Variants in FAM120B observed in about 807,000 individuals in gnomAD.
FAM120B encodes family with sequence similarity 120 member B.
In FAM120B, 83 loss-of-function variants were observed where a neutral mutation model predicts 96.3. The ratio of observed to expected loss-of-function variants is 0.86; its 90% CI spans 0.72 to 1.03. The LOEUF (loss-of-function observed/expected upper bound fraction) is 1.03, where lower values mean the gene tolerates loss of function less well. Ranked by LOEUF, FAM120B falls within the 50% of genes least tolerant of loss-of-function variation. The pLI, the probability that FAM120B is intolerant of heterozygous loss-of-function variation, is 0.00. For synonymous variants in FAM120B, 407 were observed against 402.7 expected (o/e 1.01, Z -0.13); for missense variants, 1,027 against 1,121.2 (o/e 0.92, Z 1.20).
upstream of FAM120B, among the ~76,000 whole-genome samples, chr6:170,305,175 C>T (rs112757220): frequency 0.015 from 2,300 of 152,024 alleles, 52 homozygotes; most frequent in African/African-American, 0.052. Context: ...TTGGGGGGGG[C>T]GGGGGACAGA....
intron 8 of FAM120B, among the ~76,000 whole-genome samples, chr6:170,393,117 G>A (rs1289540155): frequency 7.2e-6 from 1 of 139,462 alleles, no homozygotes; most frequent in Non-Finnish European, 1.5e-5. Context: ...TTTGACACTG[G>A]CCTGAGAAAC....
upstream of FAM120B, chr6:170,295,203 C>T: frequency 1.9e-6 from 1 of 514,162 alleles, no homozygotes; most frequent in Non-Finnish European, 3.4e-6. The surrounding 1 kb of genome is among the most constrained non-coding windows in gnomAD (Gnocchi z 7.8). Context: ...TTGCTGCTTA[C>T]TTCTTAAAGC....
chr6:170,396,185 T>A (rs1374530512), intron 9 of FAM120B, among the ~76,000 whole-genome samples: 1 of 152,200 alleles, frequency 6.6e-6, no homozygotes, highest in African/African-American at 2.4e-5. Context: ...AAAATCCAAA[T>A]CAGCCTTTGA....
upstream of FAM120B, among the ~76,000 whole-genome samples, chr6:170,304,740 C>G (rs983497076): frequency 2.0e-5 from 3 of 152,000 alleles, no homozygotes; most frequent in African/African-American, 7.3e-5. Context: ...CCCTCAGTCT[C>G]TTTCCTAGGT....
intron 6 of FAM120B, among the ~76,000 whole-genome samples, chr6:170,379,001 A>G (rs756829806): frequency 6.6e-6 from 1 of 152,244 alleles, no homozygotes; most frequent in Non-Finnish European, 1.5e-5. Context: ...CCATGGGCCC[A>G]GGCAGCCTTG....
chr6:170,361,222 A>ACG lies in FAM120B; in HGVS notation c.2283+2904_2283+2905insCG, dbSNP rs1329669151. 5.1e-3 allele frequency among the ~76,000 whole-genome samples: 515 copies of ACG among 101,974 alleles called. 10 individuals are homozygous for ACG. The highest frequency in any genetic ancestry group is 6.3e-3 in the East Asian group (19 of 3,012). The allele number at this position is 101,974 out of a possible 152,430, so 66.9% of individuals were successfully genotyped here. ...TGTATATATATATATATATATATAT[A>ACG]TATATATATATATACACGTATATAT... On this transcript the variant is annotated intron_variant, in intron 6 of 10. Transcript: ENST00000476287.
At chr6:170,367,266 C>T (rs974752858) in intron 6 of FAM120B, among the ~76,000 whole-genome samples, 4 of 152,192 alleles carry the variant, frequency 2.6e-5, no homozygotes, top group Admixed American at 1.3e-4. Flanking sequence ...AGACTATCGC[C>T]CATAGGCCAC....
intron 4 of FAM120B, among the ~76,000 whole-genome samples, chr6:170,332,676 C>T (rs1015256646): frequency 2.6e-5 from 4 of 151,684 alleles, no homozygotes; most frequent in South Asian, 4.2e-4. Context: ...CCAGCCTGGG[C>T]GACAACAGCA....
intron 9 of FAM120B, among the ~76,000 whole-genome samples, chr6:170,400,587 C>G (rs1778516381): frequency 6.6e-6 from 1 of 152,052 alleles, no homozygotes; most frequent in Admixed American, 6.6e-5. Flanking sequence ...TCAGTGTGGC[C>G]TGACCGGCTG....
chr6:170,325,933 A>G (rs951323396), intron 3 of FAM120B, among the ~76,000 whole-genome samples: 5 of 152,114 alleles, frequency 3.3e-5, no homozygotes, highest in African/African-American at 1.2e-4. Flanking sequence ...ATTACTTTTA[A>G]TATCTTTAAC....
At chr6:170,395,852 C>T (rs1227178434) in intron 9 of FAM120B, among the ~76,000 whole-genome samples, 2 of 152,136 alleles carry the variant, frequency 1.3e-5, no homozygotes, top group Admixed American at 1.3e-4. Context: ...AATTTACTTG[C>T]TAGAAGGTAC....
intron 2 of FAM120B, among the ~76,000 whole-genome samples, chr6:170,319,594 G>C (rs1785157816): frequency 6.6e-6 from 1 of 152,158 alleles, no homozygotes; most frequent in African/African-American, 2.4e-5. Context: ...CTTGAACCTG[G>C]GAGGCGGAGG....
intron 4 of FAM120B, among the ~76,000 whole-genome samples, chr6:170,346,387 ATTTTC>A (rs1787191841): frequency 6.6e-6 from 1 of 152,084 alleles, no homozygotes; most frequent in Admixed American, 6.5e-5. Flanking sequence ...CATTGTTTTT[ATTTTC>A]TTCTTTATAC....
chr6:170,341,361 G>A (rs781422807), intron 4 of FAM120B, among the ~76,000 whole-genome samples: 17 of 152,088 alleles, frequency 1.1e-4, no homozygotes, highest in Non-Finnish European at 1.5e-4. Flanking sequence ...AAGCTCGATC[G>A]TCCCAGGTCG....
At chr6:170,299,110 C>T (rs1437987146) in intron 1 of FAM120B, among the ~76,000 whole-genome samples, 1 of 152,192 alleles carries the variant, frequency 6.6e-6, no homozygotes, top group Non-Finnish European at 1.5e-5. Flanking sequence ...TGTAGGATTG[C>T]TATTTCCTCC....
At chr6:170,340,654 AT>A (rs1365501282) in intron 4 of FAM120B, among the ~76,000 whole-genome samples, 1 of 152,124 alleles carries the variant, frequency 6.6e-6, no homozygotes, top group African/African-American at 2.4e-5. Flanking sequence ...TATAAGGCTG[AT>A]GACCTTTGGA....
intron 6 of FAM120B, among the ~76,000 whole-genome samples, chr6:170,380,519 T>G (rs553250612): frequency 1.3e-5 from 2 of 152,354 alleles, no homozygotes; most frequent in East Asian, 3.9e-4. Context: ...CACTTATCTC[T>G]TGTCTTTTTA....
intron 8 of FAM120B, among the ~76,000 whole-genome samples, chr6:170,395,201 A>G (rs1005376827): frequency 6.6e-5 from 10 of 152,130 alleles, no homozygotes; most frequent in African/African-American, 2.4e-4. Flanking sequence ...GCCCCAGGGA[A>G]GAGGAGTGGT....
chr6:170,319,025 C>T lies in FAM120B; in HGVS notation c.1635C>T (p.Leu545=). 7 of 1,613,940 alleles carry T rather than the reference C, an allele frequency of 4.3e-6. No homozygotes were observed. The highest frequency in any genetic ancestry group is 5.9e-6 in the Non-Finnish European group (7 of 1,179,936). ...ATDFEFKLEA[L]MCTNPEIKQE... ...ATTTTGAATTTAAGCTAGAAGCTCTCATGTGTACAAACCCTGAAATTAAAC... is the reference window on the plus strand; with the variant it reads ...ATTTTGAATTTAAGCTAGAAGCTCTTATGTGTACAAACCCTGAAATTAAAC... The change falls in exon 2 of 11, where the codon CTC becomes CTT. Residue 545 remains leucine (L), a synonymous_variant. Coordinates refer to ENST00000476287, the MANE Select transcript of FAM120B (RefSeq NM_032448.3).
Sources: allele counts gnomAD v4.1 joint callset (sites outside exome capture counted in the v4.1 genomes callset), GRCh38; gene constraint gnomAD v4.1.1; non-coding constraint Gnocchi (gnomAD v3.1); transcripts MANE v1.5; gene names NCBI Gene and HGNC (gene_info 2026-07-23, HGNC 2026-07-21).